The following DDAH1 variants were observed in gnomAD, a reference collection of about 807,000 sequenced individuals.
The protein encoded by DDAH1 is dimethylarginine dimethylaminohydrolase 1, also known as N(G),N(G)-dimethylarginine dimethylaminohydrolase 1.
Under a neutral mutation model 28.8 loss-of-function variants are expected in DDAH1, and 19 were observed. The observed-to-expected ratio is 0.66, with a 90% CI of 0.46 to 0.97. The LOEUF is 0.97. Ranked by LOEUF, DDAH1 falls within the 50% of genes least tolerant of loss-of-function variation. The pLI is 0.00. For synonymous variants in DDAH1, 153 were observed against 154.4 expected (o/e 0.99, Z 0.07); for missense variants, 326 against 375.9 (o/e 0.87, Z 1.10).
intron 2 of DDAH1, among the ~76,000 whole-genome samples, chr1:85,357,089 T>C (rs2300637): frequency 0.29 from 43,958 of 152,184 alleles, 7,260 homozygotes; most frequent in South Asian, 0.4. Flanking sequence ...CAGACTGTTG[T>C]TCTGTACTGT....
chr1:85,348,580 CCACCTGTAATTTTCTCTCATTGAATT>C (rs1406754841), intron 4 of DDAH1, among the ~76,000 whole-genome samples: 1 of 152,154 alleles, frequency 6.6e-6, no homozygotes, highest in Non-Finnish European at 1.5e-5. Context: ...TGCCATGTCC[CCACCTGTAATTTTCTCTCATTGAATT>C]CTACCCTGTC....
intron 4 of DDAH1, among the ~76,000 whole-genome samples, chr1:85,341,240 T>C (rs780330919): frequency 2.6e-5 from 4 of 152,218 alleles, no homozygotes; most frequent in Non-Finnish European, 4.4e-5. Context: ...ATCTTTCATA[T>C]ATTAATAGTT....
intron 1 of DDAH1, among the ~76,000 whole-genome samples, chr1:85,534,999 G>A (rs1658225534): frequency 1.3e-5 from 2 of 151,960 alleles, no homozygotes; most frequent in South Asian, 2.1e-4. Flanking sequence ...GCGTGGGAGT[G>A]GATGTGCTTA....
intron 2 of DDAH1, among the ~76,000 whole-genome samples, chr1:85,358,345 TG>T (rs1299040986): frequency 2.6e-5 from 4 of 152,230 alleles, no homozygotes; most frequent in Admixed American, 6.5e-5. Context: ...TCTGTTACTT[TG>T]GTAATTAAAA....
At chr1:85,473,056 CATT>C (rs1655672935) in intron 2 of DDAH1, among the ~76,000 whole-genome samples, 1 of 152,154 alleles carries the variant, frequency 6.6e-6, no homozygotes, top group African/African-American at 2.4e-5. Flanking sequence ...GAAATGATTG[CATT>C]ATTTTTATGG....
intron 1 of DDAH1, among the ~76,000 whole-genome samples, chr1:85,528,109 CT>C (rs1241213832): frequency 2.0e-5 from 3 of 151,306 alleles, no homozygotes; most frequent in Non-Finnish European, 4.4e-5. Flanking sequence ...AATTTTTTGT[CT>C]GCATTCCACA....
chr1:85,439,592 CT>C (rs1654099086), intron 1 of DDAH1, among the ~76,000 whole-genome samples: 1 of 152,216 alleles, frequency 6.6e-6, no homozygotes. Context: ...CTTAAACTAT[CT>C]GCTCTTCAAG....
chr1:85,577,044 G>T (rs752588130), intron 1 of DDAH1, among the ~76,000 whole-genome samples: 62 of 151,986 alleles, frequency 4.1e-4, no homozygotes, highest in Non-Finnish European at 7.1e-4. Context: ...GGCCGGGGCT[G>T]GAAACGTCCT....
rs987546740 is a variant in DDAH1, at chr1:85,499,007, A to T, written c.-122-2726T>A. On this transcript the variant is annotated intron_variant, in intron 1 of 6. Transcript: ENST00000426972. ...AACAAAGGAACAGCAACAACAGGAG[A>T]CAAAACAAAACAAATAGATGGGAGA... Among the ~76,000 whole-genome samples the T allele has an allele frequency of 2.0e-5, 3 of 152,116 alleles. No homozygotes were observed. In the South Asian group the frequency reaches 6.2e-4, roughly 31 times the overall value.
intron 1 of DDAH1, among the ~76,000 whole-genome samples, chr1:85,570,012 C>T (rs1659406581): frequency 6.6e-6 from 1 of 152,204 alleles, no homozygotes; most frequent in Non-Finnish European, 1.5e-5. Context: ...CAGATTTAAA[C>T]CAAGCTGACG....
intron 4 of DDAH1, among the ~76,000 whole-genome samples, chr1:85,342,519 A>G (rs755302698): frequency 6.6e-6 from 1 of 152,150 alleles, no homozygotes; most frequent in African/African-American, 2.4e-5. Context: ...GAGGAATTTT[A>G]GCATGTCAAA....
chr1:85,444,141 G>T (rs982363759), intron 1 of DDAH1, among the ~76,000 whole-genome samples: 6 of 152,146 alleles, frequency 3.9e-5, no homozygotes, highest in African/African-American at 9.7e-5. Flanking sequence ...GTATGATATT[G>T]GCTGTGGTTT....
chr1:85,488,835 A>G (rs937230724), intron 2 of DDAH1, among the ~76,000 whole-genome samples: 1 of 152,202 alleles, frequency 6.6e-6, no homozygotes, highest in Non-Finnish European at 1.5e-5. Context: ...ATGACTGGTG[A>G]AAAAGTATTA....
At chr1:85,363,072 C>A (rs1649875804) in intron 1 of DDAH1, among the ~76,000 whole-genome samples, 1 of 152,152 alleles carries the variant, frequency 6.6e-6, no homozygotes, top group South Asian at 2.1e-4. Context: ...GTTTAATACT[C>A]TTTATTTCAG....
At chr1:85,413,519 G>A (rs2100600464) in intron 1 of DDAH1, among the ~76,000 whole-genome samples, 1 of 152,330 alleles carries the variant, frequency 6.6e-6, no homozygotes, top group African/African-American at 2.4e-5. Context: ...TTAAAATGTG[G>A]CACTTCCTTC....
chr1:85,474,938 C>T (rs150576214), intron 2 of DDAH1, among the ~76,000 whole-genome samples: 1 of 152,114 alleles, frequency 6.6e-6, no homozygotes, highest in East Asian at 1.9e-4. Flanking sequence ...GCTGTGTGAT[C>T]TTGTACAACT....
chr1:85,344,979 A>C (rs886728622), intron 4 of DDAH1, among the ~76,000 whole-genome samples: 1 of 152,238 alleles, frequency 6.6e-6, no homozygotes, highest in Non-Finnish European at 1.5e-5. Flanking sequence ...TCTGTAAGTC[A>C]ATCATAGCCT....
At chr1:85,357,434 A>G (rs188790644) in intron 2 of DDAH1, among the ~76,000 whole-genome samples, 80 of 152,358 alleles carry the variant, frequency 5.3e-4, no homozygotes, top group South Asian at 1.7e-3. Context: ...TTAGCAAAGA[A>G]CTGCTTAAAT....
At chr1:85,536,237 AAATAAAAATAAAAAAAT>A (rs1382109233) in intron 1 of DDAH1, among the ~76,000 whole-genome samples, 2 of 151,954 alleles carry the variant, frequency 1.3e-5, no homozygotes, top group East Asian at 3.9e-4. Context: ...TCTCTGTCTC[AAATAAAAATAAAAAAAT>A]AATAAAAATT....
Sources: allele counts gnomAD v4.1 joint callset (sites outside exome capture counted in the v4.1 genomes callset), GRCh38; gene constraint gnomAD v4.1.1; transcripts MANE v1.5; gene names NCBI Gene and HGNC (gene_info 2026-07-23, HGNC 2026-07-21).